Variants in SAMD4A observed in about 807,000 individuals in gnomAD.
The protein encoded by SAMD4A is protein Smaug homolog 1.
SAMD4A carries 33 observed loss-of-function variants against 81.3 expected under a neutral mutation model. The observed-to-expected ratio is 0.41, with a 90% CI of 0.31 to 0.54. The LOEUF (loss-of-function observed/expected upper bound fraction) is 0.54, where lower values mean the gene tolerates loss of function less well. Among genes scored for constraint, SAMD4A ranks in the 20% least tolerant of loss-of-function variants. The pLI, the probability that SAMD4A is intolerant of heterozygous loss-of-function variation, is 0.37. For missense variants in SAMD4A, 854 were observed against 951.1 expected, an observed-to-expected ratio of 0.90 and a Z score of 1.34; for synonymous variants, 389 against 382.1, an observed-to-expected ratio of 1.02 and a Z score of -0.21.
At chr14:54,784,647 C>T (rs745647026) in intron 12 of SAMD4A, 27 bp downstream of exon 12, 2 of 1,590,568 alleles carry the variant, frequency 1.3e-6, no homozygotes, top group Admixed American at 1.7e-5. Flanking sequence ...TGCATGTCCC[C>T]ATGTCCCTGT....
chr14:54,669,246 C>T (rs1206725047), intron 2 of SAMD4A, among the ~76,000 whole-genome samples: 3 of 152,088 alleles, frequency 2.0e-5, no homozygotes, highest in African/African-American at 7.2e-5. Flanking sequence ...TCACATGCCC[C>T]AGCCTGGAGC....
chr14:54,594,248 A>G (rs780906669), intron 2 of SAMD4A, among the ~76,000 whole-genome samples: 4 of 152,088 alleles, frequency 2.6e-5, no homozygotes, highest in Non-Finnish European at 5.9e-5. Flanking sequence ...TTATCTGCAT[A>G]AGGTACAGAA....
intron 2 of SAMD4A, among the ~76,000 whole-genome samples, chr14:54,614,255 CAT>C (rs1449959315): frequency 6.6e-6 from 1 of 152,044 alleles, no homozygotes; most frequent in African/African-American, 2.4e-5. Flanking sequence ...TTTATGTTAA[CAT>C]ATAATGGGGT....
At chr14:54,718,871 C>T (rs1466302853) in intron 3 of SAMD4A, among the ~76,000 whole-genome samples, 3 of 151,930 alleles carry the variant, frequency 2.0e-5, no homozygotes, top group East Asian at 1.9e-4. Context: ...GGGCGTGTGG[C>T]GGGCACCTGT....
Position 54,702,194 on chromosome 14 carries a change from C to T in SAMD4A, c.329C>T (p.Ala110Val), listed in dbSNP as rs749112646. Residue 110 changes from alanine to valine, a missense_variant, in exon 3 of 13, where the codon GCT (alanine) becomes GTT (valine). Ala to Val is a moderately conservative substitution (Grantham distance 64). This residue lies in a region of SAMD4A where 387 missense variants were observed against 405.8 expected (regional missense o/e 0.95). Coordinates refer to ENST00000554335, the MANE Select transcript of SAMD4A (RefSeq NM_015589.6). ...ATGAAACTGCTGCCCAAAATCCTGGCTCACTCTATTGAACACAACCAGCAC... is the reference window on the plus strand; with the variant it reads ...ATGAAACTGCTGCCCAAAATCCTGGTTCACTCTATTGAACACAACCAGCAC... ...EYMKLLPKILAHSIEHNQHIE... is the reference protein window; with the variant it reads ...EYMKLLPKILVHSIEHNQHIE... 1.9e-6 allele frequency: 3 copies of T among 1,614,194 alleles called. No homozygotes were observed. Among genetic ancestry groups the T allele is most frequent in the Non-Finnish European group, 2.5e-6 (3 of 1,180,028 alleles).
intron 4 of SAMD4A, among the ~76,000 whole-genome samples, chr14:54,739,049 C>CT: frequency 1.3e-5 from 1 of 77,598 alleles, no homozygotes; most frequent in Non-Finnish European, 2.2e-5. Context: ...TTCTTTCTTT[C>CT]CTTTTCTTTT....
chr14:54,741,123 T>C (rs1340306138), intron 4 of SAMD4A, among the ~76,000 whole-genome samples: 1 of 152,200 alleles, frequency 6.6e-6, no homozygotes, highest in African/African-American at 2.4e-5. Context: ...CACTGTGACT[T>C]ATCTCAGAGG....
chr14:54,769,132 G>T (rs986752995), intron 8 of SAMD4A, among the ~76,000 whole-genome samples: 4 of 152,178 alleles, frequency 2.6e-5, no homozygotes, highest in African/African-American at 9.7e-5. Context: ...CTTGGCAGGG[G>T]ATTCATATGT....
At chr14:54,612,533 T>G (rs1338267293) in intron 2 of SAMD4A, among the ~76,000 whole-genome samples, 1 of 152,212 alleles carries the variant, frequency 6.6e-6, no homozygotes. Context: ...AGGGTCATCT[T>G]CATTAGTTTA....
At chr14:54,580,659 G>A (rs577257904) in intron 2 of SAMD4A, among the ~76,000 whole-genome samples, 17 of 152,106 alleles carry the variant, frequency 1.1e-4, no homozygotes, top group Non-Finnish European at 2.1e-4. Context: ...CCTTGTCTAC[G>A]ACAGCTCTTC....
At chr14:54,779,021 G>A (rs760322938) in intron 11 of SAMD4A, among the ~76,000 whole-genome samples, 15 of 152,172 alleles carry the variant, frequency 9.9e-5, no homozygotes, top group African/African-American at 3.4e-4. Context: ...ACCCAGGGAC[G>A]ACACCTCTGA....
intron 2 of SAMD4A, among the ~76,000 whole-genome samples, chr14:54,654,323 G>A (rs1037724993): frequency 4.6e-5 from 7 of 152,098 alleles, no homozygotes; most frequent in East Asian, 1.9e-4. Context: ...AGGGAGTCAC[G>A]GGAGGTCAGA....
intron 3 of SAMD4A, among the ~76,000 whole-genome samples, chr14:54,714,252 A>G (rs1047497471): frequency 1.3e-5 from 2 of 152,190 alleles, no homozygotes; most frequent in Non-Finnish European, 2.9e-5. Flanking sequence ...GGCATTTGCA[A>G]AAACATCAGA....
At position 54,615,783 on chromosome 14, in the gene SAMD4A, T is replaced by G. The variant is rs1470504649; in HGVS notation, c.196+47671T>G. ...CTTGAAATAGATGGTATTACTAATA[T>G]TTTAAGCATTAAAATATTACTTAAA... On this transcript the variant is annotated intron_variant, in intron 2 of 12. Coordinates refer to ENST00000554335, the MANE Select transcript of SAMD4A (RefSeq NM_015589.6). Among the ~76,000 whole-genome samples the G allele has an allele frequency of 6.5e-5, 3 of 46,136 alleles. No individual in the cohort carries two copies. The East Asian group carries it at 2.0e-3, about 30-fold the overall frequency. 30.3% of individuals were successfully genotyped at this position (46,136 alleles called of 152,430 possible).
At chr14:54,710,287 A>G (rs2036956931) in intron 3 of SAMD4A, among the ~76,000 whole-genome samples, 1 of 152,190 alleles carries the variant, frequency 6.6e-6, no homozygotes, top group South Asian at 2.1e-4. Flanking sequence ...GATAAAAAGT[A>G]AATTAACAAT....
chr14:54,751,305 C>A, intron 5 of SAMD4A, 146 bp from the exon 6 acceptor site: 1 of 599,696 alleles, frequency 1.7e-6, no homozygotes, highest in Middle Eastern at 4.6e-4. Flanking sequence ...ATGATGGGTA[C>A]TAATGCAAGA....
At chr14:54,653,970 G>A (rs900656991) in intron 2 of SAMD4A, among the ~76,000 whole-genome samples, 7 of 152,148 alleles carry the variant, frequency 4.6e-5, no homozygotes, top group East Asian at 1.9e-4. Context: ...AATACCATTC[G>A]GTATGAAAGT....
chr14:54,777,816 GCTCA>G (rs1173519273), intron 11 of SAMD4A, among the ~76,000 whole-genome samples: 1 of 152,172 alleles, frequency 6.6e-6, no homozygotes, highest in Non-Finnish European at 1.5e-5. Flanking sequence ...CCAAAACTCT[GCTCA>G]CTTTTGTTTT....
chr14:54,659,165 C>T (rs1339410794), intron 2 of SAMD4A, among the ~76,000 whole-genome samples: 1 of 152,202 alleles, frequency 6.6e-6, no homozygotes, highest in East Asian at 1.9e-4. Context: ...ACAGAGGTTT[C>T]CCCAGCCTTT....
Sources: allele counts gnomAD v4.1 joint callset (sites outside exome capture counted in the v4.1 genomes callset), GRCh38; gene constraint gnomAD v4.1.1; regional missense constraint gnomAD v4.1.1; transcripts MANE v1.5; gene names NCBI Gene and HGNC (gene_info 2026-07-23, HGNC 2026-07-21).